LAMA1: variants seen among roughly 807,000 people sequenced by gnomAD.
LAMA1 encodes laminin subunit alpha 1.
LAMA1 carries 219 observed loss-of-function variants against 348.7 expected under a neutral mutation model. The observed-to-expected ratio is 0.63, with a 90% CI of 0.56 to 0.70. The LOEUF (loss-of-function observed/expected upper bound fraction) is 0.70, where lower values mean the gene tolerates loss of function less well. LAMA1 is among the 30% of genes least tolerant of loss of function. The probability of loss-of-function intolerance (pLI) is 0.00; values close to 1 mark genes in which losing one functional copy is unlikely to be tolerated. For missense variants in LAMA1, 3,744 were observed against 3,888.0 expected, an observed-to-expected ratio of 0.96 and a Z score of 0.99; for synonymous variants, 1,487 against 1,491.0, an observed-to-expected ratio of 1.00 and a Z score of 0.06.
intron 3 of LAMA1, among the ~76,000 whole-genome samples, chr18:7,075,925 A>C (rs1568057220): frequency 7.2e-6 from 1 of 139,422 alleles, no homozygotes; most frequent in Non-Finnish European, 1.6e-5. Context: ...CGACAGAGTG[A>C]GGCTCCATTT....
At chr18:6,984,376 G>T (rs1177675938) in intron 39 of LAMA1, among the ~76,000 whole-genome samples, 1 of 152,078 alleles carries the variant, frequency 6.6e-6, no homozygotes, top group Non-Finnish European at 1.5e-5. Flanking sequence ...ATAACGCATA[G>T]CAAATTTTAA....
intron 3 of LAMA1, among the ~76,000 whole-genome samples, chr18:7,062,316 T>C (rs576685097): frequency 6.6e-6 from 1 of 152,028 alleles, no homozygotes; most frequent in East Asian, 1.9e-4. Flanking sequence ...TGAAACCAGA[T>C]GAGAGATGTC....
chr18:7,044,609 A>T (rs1441233749), intron 7 of LAMA1, 113 bp downstream of exon 7: 1 of 893,870 alleles, frequency 1.1e-6, no homozygotes, highest in Non-Finnish European at 1.9e-6. Flanking sequence ...GAAACTACTT[A>T]AATTTCTAAG....
chr18:7,092,015 G>A (rs987515963), intron 1 of LAMA1, among the ~76,000 whole-genome samples: 18 of 152,108 alleles, frequency 1.2e-4, no homozygotes, highest in Admixed American at 1.3e-4. Context: ...TTTGAGTTAC[G>A]TTTTACCTTA....
intron 19 of LAMA1, among the ~76,000 whole-genome samples, chr18:7,018,530 G>A (rs2057900168): frequency 6.6e-6 from 1 of 150,802 alleles, no homozygotes; most frequent in African/African-American, 2.4e-5. Flanking sequence ...CGAGTAGCTG[G>A]GACTACAGGC....
intron 16 of LAMA1, among the ~76,000 whole-genome samples, chr18:7,031,360 A>G (rs2057968444): frequency 6.6e-6 from 1 of 152,296 alleles, no homozygotes; most frequent in African/African-American, 2.4e-5. Context: ...CACCTGCCCC[A>G]AAGTTCATTC....
intron 19 of LAMA1, among the ~76,000 whole-genome samples, chr18:7,021,301 A>C (rs1337493104): frequency 6.6e-6 from 1 of 152,174 alleles, no homozygotes; most frequent in African/African-American, 2.4e-5. Flanking sequence ...TGTGGCCGCT[A>C]ACCACACATG....
chr18:7,079,633 C>G (rs983470794), intron 3 of LAMA1: 19 of 372,710 alleles, frequency 5.1e-5, no homozygotes, highest in African/African-American at 4.0e-4. Context: ...TTAGGAAATA[C>G]ATGTGTTTTC....
intron 37 of LAMA1, 117 bp downstream of exon 37, chr18:6,986,020 A>C (rs1169359292): frequency 3.6e-6 from 4 of 1,125,510 alleles, no homozygotes; most frequent in African/African-American, 3.0e-5. Flanking sequence ...GGCCTCCCAA[A>C]GTGCTGGGAT....
At position 6,993,776 on chromosome 18, in the gene LAMA1, G is replaced by A. The variant is rs1555649636; in HGVS notation, c.4897-24C>T. The A allele has an allele frequency of 2.2e-5, 31 of 1,404,730 alleles. No individual in the cohort carries two copies. In the South Asian group the frequency reaches 3.2e-4, roughly 15 times the overall value. The allele number at this position is 1,404,730 out of a possible 1,614,324, so 87.0% of individuals were successfully genotyped here. On this transcript the variant is annotated intron_variant, in intron 34 of 62. Coordinates refer to ENST00000389658, the MANE Select transcript of LAMA1 (RefSeq NM_005559.4). ...AGCTGGTGGAAAAATAAAGTCTCAG[G>A]TTAGTTTGACTTTAAGTAATTAGTT...
At chr18:7,077,130 T>A (rs1027128582) in intron 3 of LAMA1, among the ~76,000 whole-genome samples, 1 of 152,030 alleles carries the variant, frequency 6.6e-6, no homozygotes, top group East Asian at 1.9e-4. Flanking sequence ...TTTAAAAGCA[T>A]ATCCTAAAAC....
In LAMA1 at chr18:7,070,508, A is replaced by G. The variant is rs549554261; in HGVS notation, c.345+9467T>C. On this transcript the variant is annotated intron_variant, in intron 3 of 62. Transcript: ENST00000389658. ...AAATACTTTATATTTGAATGATATA[A>G]TAATAAACCTCACTCAATACTGGTC... Among the ~76,000 whole-genome samples the G allele has an allele frequency of 9.8e-5, 15 of 152,360 alleles. No homozygotes were observed. The South Asian group carries it at 3.1e-3, about 32-fold the overall frequency.
intron 48 of LAMA1, among the ~76,000 whole-genome samples, chr18:6,967,873 CG>C (rs2057640746): frequency 6.6e-6 from 1 of 152,014 alleles, no homozygotes; most frequent in African/African-American, 2.4e-5. Flanking sequence ...CTCAAGAACG[CG>C]GGGGCTCTGC....
Position 6,973,054 on chromosome 18 carries a change from T to C in LAMA1, c.6774+3A>G, listed in dbSNP as rs768795081. ...CTGTTCAGAAGAACTTTCGTAATGTTACCTTGATTTGTCCTCCAAGACCTC... is the reference window on the plus strand; with the variant it reads ...CTGTTCAGAAGAACTTTCGTAATGTCACCTTGATTTGTCCTCCAAGACCTC... On this transcript the variant is annotated splice_donor_region_variant and intron_variant, in intron 47 of 62. Coordinates refer to ENST00000389658, the MANE Select transcript of LAMA1 (RefSeq NM_005559.4). The C allele has an allele frequency of 1.9e-6, 3 of 1,614,162 alleles. No individual in the cohort carries two copies. Among genetic ancestry groups the C allele is most frequent in the Admixed American group, 3.3e-5 (2 of 60,026 alleles).
intron 36 of LAMA1, 149 bp from the exon 37 acceptor site, chr18:6,986,496 A>C: frequency 1.4e-6 from 1 of 714,090 alleles, no homozygotes; most frequent in Admixed American, 2.4e-5. Flanking sequence ...GAATGGAAAC[A>C]ATTTTTCTAA....
chr18:7,104,933 G>A (rs186072463), intron 1 of LAMA1, among the ~76,000 whole-genome samples: 148 of 152,326 alleles, frequency 9.7e-4, no homozygotes, highest in African/African-American at 3.0e-3. Flanking sequence ...CCAAGTGCCT[G>A]TAGCAGGGAA....
intron 19 of LAMA1, among the ~76,000 whole-genome samples, chr18:7,022,088 C>T (rs754062695): frequency 6.6e-5 from 10 of 151,882 alleles, no homozygotes; most frequent in East Asian, 1.9e-4. Flanking sequence ...TCACATTAGT[C>T]GAGACTCCAA....
At chr18:6,991,342 A>G (rs1428283868) in intron 36 of LAMA1, among the ~76,000 whole-genome samples, 1 of 151,896 alleles carries the variant, frequency 6.6e-6, no homozygotes, top group African/African-American at 2.4e-5. Flanking sequence ...GCATGTTAGG[A>G]ATCCTCAAAA....
intron 58 of LAMA1, 69 bp downstream of exon 58, chr18:6,950,713 T>C (rs1422060718): frequency 1.6e-5 from 24 of 1,548,346 alleles, no homozygotes; most frequent in Middle Eastern, 4.2e-4. Context: ...CTTTGAGAAA[T>C]GGAGTGAACC....
Sources: gnomAD v4.1 joint callset for allele counts (sites outside exome capture counted in the v4.1 genomes callset) on GRCh38, gnomAD v4.1.1 for gene constraint, MANE v1.5 for transcripts, NCBI Gene and HGNC (gene_info 2026-07-23, HGNC 2026-07-21) for gene names.